DLC1: variants seen among roughly 807,000 people sequenced by gnomAD.
DLC1 encodes rho GTPase-activating protein 7.
In DLC1, 54 loss-of-function variants were observed where a neutral mutation model predicts 140.3. The observed-to-expected ratio is 0.38, with a 90% CI of 0.31 to 0.48. DLC1 has a LOEUF of 0.48. Among genes scored for constraint, DLC1 ranks in the 20% least tolerant of loss-of-function variants. The pLI is 0.96. For synonymous variants in DLC1, 986 were observed against 728.1 expected, an observed-to-expected ratio of 1.35 and a Z score of -5.70; for missense variants, 2,536 against 1,907.0, an observed-to-expected ratio of 1.33 and a Z score of -6.14.
chr8:13,349,986 C>T (rs944685429), intron 4 of DLC1, among the ~76,000 whole-genome samples: 1 of 152,166 alleles, frequency 6.6e-6, no homozygotes, highest in African/African-American at 2.4e-5. Flanking sequence ...GGGGATATGG[C>T]TGGAGACATA....
At chr8:13,116,531 TTA>T (rs1820571384) in intron 5 of DLC1, among the ~76,000 whole-genome samples, 1 of 152,184 alleles carries the variant, frequency 6.6e-6, no homozygotes, top group Admixed American at 6.5e-5. Context: ...GTTCACTCAT[TTA>T]TAAAGGTCTC....
At chr8:13,218,891 T>TATAATTATATAATTATATATGA (rs1828361112) in intron 5 of DLC1, among the ~76,000 whole-genome samples, 5 of 101,790 alleles carry the variant, frequency 4.9e-5, no homozygotes, top group Admixed American at 3.2e-4. Context: ...TATATATGAA[T>TATAATTATATAATTATATATGA]ATATATAATT....
rs1585117213 is a variant in DLC1, at chr8:13,443,650, T to C, written c.1024-42031A>G. On this transcript the variant is annotated intron_variant, in intron 2 of 17. Transcript: ENST00000276297. ...TCCAGCCTAGGCAACACAGCGAGAC[T>C]CCGTCTCAAAAAAAAAAAAAAAAAA... Among the ~76,000 whole-genome samples the C allele has an allele frequency of 3.4e-5, 4 of 117,274 alleles. No individual in the cohort carries two copies. The South Asian group carries it at 1.0e-3, about 30-fold the overall frequency. 76.9% of individuals were successfully genotyped at this position (117,274 alleles called of 152,430 possible).
intron 5 of DLC1, among the ~76,000 whole-genome samples, chr8:13,208,926 T>C (rs1827803551): frequency 6.6e-6 from 1 of 152,160 alleles, no homozygotes; most frequent in Non-Finnish European, 1.5e-5. Flanking sequence ...GTTGTGAAAA[T>C]ATCATTTATA....
intron 4 of DLC1, among the ~76,000 whole-genome samples, chr8:13,330,807 T>A (rs562993319): frequency 1.3e-5 from 2 of 152,332 alleles, no homozygotes; most frequent in South Asian, 4.1e-4. Context: ...AGACTCTCTG[T>A]GCCTCTACAA....
At chr8:13,483,928 A>G (rs1365733273) in intron 2 of DLC1, among the ~76,000 whole-genome samples, 1 of 151,582 alleles carries the variant, frequency 6.6e-6, no homozygotes, top group South Asian at 2.1e-4. Flanking sequence ...CTAAAAGTAC[A>G]GAAAAAAGCC....
chr8:13,231,401 T>C (rs1423191000), intron 5 of DLC1, among the ~76,000 whole-genome samples: 2 of 152,232 alleles, frequency 1.3e-5, no homozygotes, highest in African/African-American at 4.8e-5. Flanking sequence ...CCAAACCTTA[T>C]TCTTCTTCTG....
intron 5 of DLC1, among the ~76,000 whole-genome samples, chr8:13,168,834 G>A (rs972736772): frequency 5.3e-5 from 8 of 152,178 alleles, no homozygotes; most frequent in Non-Finnish European, 1.2e-4. Context: ...TCCTAAAACG[G>A]TCAAAATTCC....
intron 3 of DLC1, among the ~76,000 whole-genome samples, chr8:13,398,147 C>G (rs916685363): frequency 2.6e-5 from 4 of 151,788 alleles, no homozygotes; most frequent in African/African-American, 9.7e-5. Flanking sequence ...AGAACAAGAC[C>G]TTGTCTCTAA....
At position 13,499,360 on chromosome 8, in the gene DLC1, G is replaced by A; in HGVS notation, c.712C>T (p.Pro238Ser). 6 of 1,613,944 alleles carry A rather than the reference G, an allele frequency of 3.7e-6. No homozygotes were observed. Among genetic ancestry groups the A allele is most frequent in the Non-Finnish European group, 5.1e-6 (6 of 1,179,990 alleles). The change falls in exon 2 of 18, where the codon CCT (proline) becomes TCT (serine). Residue 238 changes from proline (P) to serine (S), a missense_variant. Transcript: ENST00000276297. ...TCATTTTCATCTTTAGGGGGGTCAG[G>A]TTTCCTTCGTTGCTGAGCAATTACA... ...SAVIAQQRRKPDPPKDENERS... is the reference protein window; with the variant it reads ...SAVIAQQRRKSDPPKDENERS...
At chr8:13,401,771 C>T (rs944894712) in intron 2 of DLC1, 152 bp from the exon 3 acceptor site, 3 of 954,478 alleles carry the variant, frequency 3.1e-6, no homozygotes, top group Non-Finnish European at 4.5e-6. Flanking sequence ...TCAATGGGCT[C>T]TTCATTGGGA....
chr8:13,373,362 G>C (rs377027643), intron 4 of DLC1, among the ~76,000 whole-genome samples: 1 of 152,080 alleles, frequency 6.6e-6, no homozygotes, highest in East Asian at 1.9e-4. Context: ...AATATTTCAG[G>C]CTTTCTGGAT....
intron 1 of DLC1, among the ~76,000 whole-genome samples, chr8:13,599,241 A>G (rs1420219440): frequency 3.3e-5 from 5 of 151,954 alleles, no homozygotes; most frequent in African/African-American, 1.2e-4. Context: ...ATTCACAATT[A>G]TAGAAGGTAC....
At chr8:13,222,775 G>T (rs1321106688) in intron 5 of DLC1, among the ~76,000 whole-genome samples, 1 of 152,084 alleles carries the variant, frequency 6.6e-6, no homozygotes, top group Non-Finnish European at 1.5e-5. Flanking sequence ...ACAGGGTCTT[G>T]CTCTGTCACC....
At chr8:13,444,082 C>T (rs1033085222) in intron 2 of DLC1, among the ~76,000 whole-genome samples, 1 of 150,594 alleles carries the variant, frequency 6.6e-6, no homozygotes, top group Non-Finnish European at 1.5e-5. Flanking sequence ...ATCATAAGCT[C>T]AGAGGATAAG....
At chr8:13,463,368 G>A (rs984857479) in intron 2 of DLC1, among the ~76,000 whole-genome samples, 1 of 152,126 alleles carries the variant, frequency 6.6e-6, no homozygotes. Flanking sequence ...ATCATTGAAA[G>A]AGAATATTTT....
chr8:13,490,727 G>T (rs1013357706), intron 2 of DLC1, among the ~76,000 whole-genome samples: 2 of 152,116 alleles, frequency 1.3e-5, no homozygotes, highest in African/African-American at 2.4e-5. Flanking sequence ...TGCACAATTG[G>T]CTCTGAAGTA....
chr8:13,105,692 C>G (rs981553305), intron 7 of DLC1, among the ~76,000 whole-genome samples: 1 of 151,764 alleles, frequency 6.6e-6, no homozygotes, highest in Non-Finnish European at 1.5e-5. Flanking sequence ...ATTCTCATGC[C>G]TCAGCCTCCT....
chr8:13,430,688 A>G (rs1281343204), intron 2 of DLC1, among the ~76,000 whole-genome samples: 2 of 152,222 alleles, frequency 1.3e-5, no homozygotes, highest in Non-Finnish European at 2.9e-5. Flanking sequence ...GAAATTTGGT[A>G]ATTAATTTAA....
Sources: allele counts gnomAD v4.1 joint callset (sites outside exome capture counted in the v4.1 genomes callset), GRCh38; gene constraint gnomAD v4.1.1; transcripts MANE v1.5; gene names NCBI Gene and HGNC (gene_info 2026-07-23, HGNC 2026-07-21).